THOC2: variants seen among roughly 807,000 people sequenced by gnomAD.
THOC2 encodes the protein THO complex 2.
Under a neutral mutation model 128.4 loss-of-function variants are expected in THOC2, and 10 were observed. The ratio of observed to expected loss-of-function variants is 0.08; its 90% CI spans 0.05 to 0.13. The LOEUF (loss-of-function observed/expected upper bound fraction) is 0.13. THOC2 is among the 10% of genes least tolerant of loss of function. THOC2 has a pLI of 1.00. For synonymous variants in THOC2, 393 were observed against 396.9 expected (o/e 0.99, Z 0.12); for missense variants, 535 against 1,155.7 (o/e 0.46, Z 7.79).
At chrX:123,647,080 C>T (rs1402474203) in intron 12 of THOC2, among the ~76,000 whole-genome samples, 1 of 111,386 alleles carries the variant, frequency 9.0e-6, no homozygotes, top group Non-Finnish European at 1.9e-5. Context: ...AGCATCTATT[C>T]TCTAGGTTTC....
intron 1 of THOC2, among the ~76,000 whole-genome samples, chrX:123,728,574 A>G (rs1773230380): frequency 3.6e-5 from 4 of 111,453 alleles, no homozygotes; most frequent in African/African-American, 1.3e-4. Flanking sequence ...AAAAGACTCA[A>G]CCACCAAGAC....
chrX:123,622,038 C>T (rs2047105070), intron 30 of THOC2, among the ~76,000 whole-genome samples: 1 of 111,542 alleles, frequency 9.0e-6, no homozygotes. Flanking sequence ...GAGCAAGACT[C>T]CTTCTCGAAA....
chrX:123,695,913 G>GA lies in THOC2; in HGVS notation c.601+107dup, dbSNP rs904055590. On this transcript the variant is annotated intron_variant, in intron 7 of 38. Transcript: ENST00000245838. ...TAAACACCTCTCCCATTCCTTAACT[G>GA]AAAAAAAAAATAGATGGAATGCACT... 8.5e-3 allele frequency: 3,956 copies of GA among 468,122 alleles called. 1 individual carries two copies. Among genetic ancestry groups the GA allele is most frequent in the Non-Finnish European group, 9.9e-3 (3,021 of 306,473 alleles). The allele number at this position is 468,122 out of a possible 1,213,427, so 38.6% of individuals were successfully genotyped here.
At chrX:123,711,297 G>T (rs1461865370) in intron 2 of THOC2, among the ~76,000 whole-genome samples, 3 of 105,928 alleles carry the variant, frequency 2.8e-5, no homozygotes, top group Non-Finnish European at 1.9e-5. Flanking sequence ...CTCCGAAAGT[G>T]CTAGGATTAC....
intron 15 of THOC2, among the ~76,000 whole-genome samples, chrX:123,644,223 T>C (rs921702870): frequency 2.7e-5 from 3 of 112,431 alleles, no homozygotes; most frequent in Admixed American, 9.4e-5. Flanking sequence ...TGGAAATTGC[T>C]AGAACTTTTA....
At chrX:123,605,050 C>G (rs755096339) in intron 38 of THOC2, among the ~76,000 whole-genome samples, 5 of 111,986 alleles carry the variant, frequency 4.5e-5, no homozygotes, top group Non-Finnish European at 9.4e-5. Context: ...CTTCATTTAC[C>G]CTTATACTGC....
chrX:123,664,909 T>G lies in THOC2; in HGVS notation c.1386+733A>C, dbSNP rs1195566138. ...GAATGGGTCCTTAACAGTCTGAGGC[T>G]GAAAAGACTTCTTACACATAGCAGC... On this transcript the variant is annotated intron_variant, in intron 12 of 38. Transcript: ENST00000245838. Among the ~76,000 whole-genome samples, 6 of 111,862 alleles carry G rather than the reference T, an allele frequency of 5.4e-5. No homozygotes were observed. In the Admixed American group the frequency reaches 5.7e-4, roughly 11 times the overall value.
At chrX:123,648,238 G>C (rs185801818) in intron 12 of THOC2, among the ~76,000 whole-genome samples, 1 of 111,868 alleles carries the variant, frequency 8.9e-6, no homozygotes, top group Non-Finnish European at 1.9e-5. Context: ...AAGGGAAGCC[G>C]TGAAGGACTG....
chrX:123,638,237 G>A (rs1448956280), intron 17 of THOC2, 114 bp from the exon 18 acceptor site: 1 of 430,672 alleles, frequency 2.3e-6, no homozygotes, highest in Non-Finnish European at 3.9e-6. Flanking sequence ...TATTTTTCTA[G>A]TTTTCCAAGA....
At chrX:123,633,932 A>C in intron 20 of THOC2, 21 bp downstream of exon 20, 21 of 1,013,975 alleles carry the variant, frequency 2.1e-5, no homozygotes, top group Non-Finnish European at 2.2e-5. Flanking sequence ...AAAGTTGATG[A>C]ACAAAAATAG....
chrX:123,612,349 A>G (rs1448687026), intron 36 of THOC2, among the ~76,000 whole-genome samples: 1 of 112,339 alleles, frequency 8.9e-6, no homozygotes, highest in African/African-American at 3.2e-5. Context: ...ACTTAGCTAT[A>G]AAAAGAAATG....
At chrX:123,698,207 C>G (rs1363688541) in intron 4 of THOC2, among the ~76,000 whole-genome samples, 1 of 111,868 alleles carries the variant, frequency 8.9e-6, no homozygotes, top group African/African-American at 3.2e-5. Flanking sequence ...CGCCTGCAAT[C>G]CCAGCACTTT....
chrX:123,607,450 T>TTATA (rs1479991701), intron 38 of THOC2, among the ~76,000 whole-genome samples: 2 of 99,034 alleles, frequency 2.0e-5, no homozygotes, highest in Non-Finnish European at 3.9e-5. Context: ...TAAGTTTTAT[T>TTATA]TATTTATTTA....
chrX:123,696,459 T>C (rs959931510), intron 6 of THOC2, among the ~76,000 whole-genome samples: 1 of 111,570 alleles, frequency 9.0e-6, no homozygotes, highest in Non-Finnish European at 1.9e-5. Context: ...GCCACAGTCA[T>C]AAATTATTTT....
chrX:123,680,191 C>A (rs777802888), intron 8 of THOC2, among the ~76,000 whole-genome samples: 11 of 111,047 alleles, frequency 9.9e-5, no homozygotes, highest in African/African-American at 3.6e-4. Context: ...TGGAATGTCT[C>A]GGTGTAAAAC....
intron 1 of THOC2, among the ~76,000 whole-genome samples, chrX:123,728,302 T>C (rs1203450119): frequency 9.0e-6 from 1 of 110,633 alleles, no homozygotes; most frequent in African/African-American, 3.3e-5. Context: ...CACAAGTATA[T>C]TGACAGCACT....
At chrX:123,727,978 A>G (rs1387123435) in intron 1 of THOC2, among the ~76,000 whole-genome samples, 1 of 112,563 alleles carries the variant, frequency 8.9e-6, no homozygotes, top group African/African-American at 3.2e-5. Context: ...ATTTTCCAGT[A>G]AAAAGGAAAC....
chrX:123,642,751 T>A (rs989868404), intron 15 of THOC2, among the ~76,000 whole-genome samples: 1 of 108,539 alleles, frequency 9.2e-6, no homozygotes, highest in African/African-American at 3.3e-5. Context: ...AATAATAATA[T>A]AAGAGGGGGA....
chrX:123,604,481 G>C (rs1271094298), intron 38 of THOC2, among the ~76,000 whole-genome samples: 4 of 110,367 alleles, frequency 3.6e-5, no homozygotes, highest in Non-Finnish European at 7.6e-5. Context: ...AAAGAGTTGA[G>C]GCAGCTGATT....
Sources: gnomAD v4.1 joint callset for allele counts (sites outside exome capture counted in the v4.1 genomes callset) on GRCh38, gnomAD v4.1.1 for gene constraint, MANE v1.5 for transcripts, NCBI Gene and HGNC (gene_info 2026-07-23, HGNC 2026-07-21) for gene names.